The following PPM1L variants were observed in gnomAD, a reference collection of about 807,000 sequenced individuals.
PPM1L encodes protein phosphatase 1L.
Under a neutral mutation model 31.4 loss-of-function variants are expected in PPM1L, and 13 were observed. The ratio of observed to expected loss-of-function variants is 0.41; its 90% CI spans 0.27 to 0.66. The LOEUF (loss-of-function observed/expected upper bound fraction) is 0.66. Among genes scored for constraint, PPM1L ranks in the 30% least tolerant of loss-of-function variants. The pLI is 0.29. For synonymous variants in PPM1L, 184 were observed against 175.4 expected (o/e 1.05, Z -0.39); for missense variants, 326 against 453.7 (o/e 0.72, Z 2.56).
chr3:161,041,496 A>AT (rs1260448612), intron 2 of PPM1L, among the ~76,000 whole-genome samples: 6 of 151,940 alleles, frequency 3.9e-5, no homozygotes, highest in African/African-American at 1.4e-4. Context: ...TTCTAAACAC[A>AT]TTTTTTCACT....
At chr3:160,882,044 C>T (rs1712738366) in intron 1 of PPM1L, among the ~76,000 whole-genome samples, 1 of 96,694 alleles carries the variant, frequency 1.0e-5, no homozygotes, top group African/African-American at 3.8e-5. Flanking sequence ...GAGTGAGACT[C>T]TGTCTCAAAA....
At chr3:160,971,878 C>T (rs116011306) in intron 2 of PPM1L, among the ~76,000 whole-genome samples, 2,824 of 152,238 alleles carry the variant, frequency 0.019, 80 homozygotes, top group African/African-American at 0.063. Flanking sequence ...ACTCTCCAGC[C>T]TCAGCCTCCA....
chr3:161,014,974 T>C (rs967267553), intron 2 of PPM1L, among the ~76,000 whole-genome samples: 3 of 152,018 alleles, frequency 2.0e-5, no homozygotes, highest in Admixed American at 1.3e-4. Context: ...CTTCCATTTA[T>C]TGGAGCTGGC....
intron 1 of PPM1L, among the ~76,000 whole-genome samples, chr3:160,842,560 G>A (rs537003406): frequency 1.6e-4 from 25 of 152,250 alleles, no homozygotes; most frequent in Admixed American, 5.2e-4. Flanking sequence ...TGGAAGATAA[G>A]GGCAAAAAGA....
chr3:160,898,964 A>G (rs907825002), intron 1 of PPM1L, among the ~76,000 whole-genome samples: 2 of 152,212 alleles, frequency 1.3e-5, no homozygotes, highest in African/African-American at 4.8e-5. Flanking sequence ...TCCCAAATCC[A>G]TGGCTTTCTG....
At chr3:160,959,334 T>C (rs1196808669) in intron 1 of PPM1L, among the ~76,000 whole-genome samples, 1 of 152,074 alleles carries the variant, frequency 6.6e-6, no homozygotes, top group African/African-American at 2.4e-5. Context: ...AAAGACTAAA[T>C]ATTGGGTACA....
chr3:160,987,368 T>C (rs1280240020), intron 2 of PPM1L, among the ~76,000 whole-genome samples: 1 of 152,196 alleles, frequency 6.6e-6, no homozygotes, highest in Non-Finnish European at 1.5e-5. Context: ...GTCTGAATAC[T>C]AGCTTTCCCC....
At chr3:161,011,703 T>C (rs1717901459) in intron 2 of PPM1L, among the ~76,000 whole-genome samples, 1 of 152,184 alleles carries the variant, frequency 6.6e-6, no homozygotes. Flanking sequence ...TGAGCAGTGG[T>C]TTATAGTTCT....
In PPM1L at chr3:160,978,790, ACT is replaced by A. The variant is rs879313572; in HGVS notation, c.574+16881_574+16882del. On this transcript the variant is annotated intron_variant, in intron 2 of 3. Coordinates refer to ENST00000498165, the MANE Select transcript of PPM1L (RefSeq NM_139245.4). Reference sequence around the variant, plus strand: ...GGTTGCAGTGAGCCGTGTTCATGCTACTGTACTCCAGCCTGGGTGACAGAGCA... The same window carrying A: ...GGTTGCAGTGAGCCGTGTTCATGCTAGTACTCCAGCCTGGGTGACAGAGCA... Among the ~76,000 whole-genome samples, 562 of 151,660 alleles carry A rather than the reference ACT, an allele frequency of 3.7e-3. 3 individuals carry two copies. Among genetic ancestry groups the A allele is most frequent in the Non-Finnish European group, 5.3e-3 (358 of 67,666 alleles).
intron 1 of PPM1L, among the ~76,000 whole-genome samples, chr3:160,904,474 A>G (rs950397944): frequency 1.3e-5 from 2 of 152,152 alleles, no homozygotes; most frequent in African/African-American, 4.8e-5. Flanking sequence ...TGATTGCTGT[A>G]TATGTTTCTG....
At chr3:160,946,703 G>A (rs11713093) in intron 1 of PPM1L, among the ~76,000 whole-genome samples, 42,298 of 151,914 alleles carry the variant, frequency 0.28, 6,308 homozygotes, top group East Asian at 0.6. Context: ...TTTGGAGTGG[G>A]GAGACCATTG....
At chr3:160,963,427 C>G (rs549221472) in intron 2 of PPM1L, among the ~76,000 whole-genome samples, 1 of 152,164 alleles carries the variant, frequency 6.6e-6, no homozygotes, top group South Asian at 2.1e-4. Flanking sequence ...GAAAATAGAT[C>G]TTGCAGAAAG....
At chr3:161,058,984 AC>A (rs1719498607) in intron 2 of PPM1L, among the ~76,000 whole-genome samples, 1 of 152,160 alleles carries the variant, frequency 6.6e-6, no homozygotes, top group South Asian at 2.1e-4. Context: ...GTATACTGTT[AC>A]TTTGTCTGCA....
intron 1 of PPM1L, among the ~76,000 whole-genome samples, chr3:160,902,509 A>G (rs1278189850): frequency 2.6e-5 from 4 of 152,150 alleles, no homozygotes; most frequent in Non-Finnish European, 5.9e-5. Context: ...ATTTTTCTTC[A>G]CATTCTGTAG....
At chr3:160,828,894 T>G (rs565314286) in intron 1 of PPM1L, among the ~76,000 whole-genome samples, 1 of 152,234 alleles carries the variant, frequency 6.6e-6, no homozygotes, top group African/African-American at 2.4e-5. Flanking sequence ...TATCCAAATA[T>G]TCTGAGAAAA....
intron 2 of PPM1L, chr3:161,022,238 C>T (rs980048499): frequency 3.1e-5 from 19 of 615,784 alleles, no homozygotes; most frequent in African/African-American, 5.7e-5. Flanking sequence ...AAACTAATTT[C>T]GATTTTAAAC....
At chr3:160,911,237 C>G (rs4679666) in intron 1 of PPM1L, among the ~76,000 whole-genome samples, 63,659 of 152,032 alleles carry the variant, frequency 0.42, 14,911 homozygotes, top group Non-Finnish European at 0.54. Context: ...GGTGAATGTT[C>G]TTACATGTGT....
intron 1 of PPM1L, among the ~76,000 whole-genome samples, chr3:160,891,282 A>C (rs1713128370): frequency 6.6e-6 from 1 of 152,154 alleles, no homozygotes; most frequent in African/African-American, 2.4e-5. Flanking sequence ...TTTACAAAGA[A>C]AATTTAAAGA....
intron 2 of PPM1L, among the ~76,000 whole-genome samples, chr3:161,061,708 G>A (rs926949172): frequency 6.6e-6 from 1 of 152,086 alleles, no homozygotes; most frequent in Non-Finnish European, 1.5e-5. Context: ...CAAATACTAA[G>A]CCATTTTATA....
Sources: gnomAD v4.1 joint callset for allele counts (sites outside exome capture counted in the v4.1 genomes callset) on GRCh38, gnomAD v4.1.1 for gene constraint, MANE v1.5 for transcripts, NCBI Gene and HGNC (gene_info 2026-07-23, HGNC 2026-07-21) for gene names.